The following UVRAG variants were observed in gnomAD, a reference collection of about 807,000 sequenced individuals.
UVRAG encodes UV radiation resistance-associated gene protein.
Under a neutral mutation model 78.0 loss-of-function variants are expected in UVRAG, and 19 were observed. The ratio of observed to expected loss-of-function variants is 0.24; its 90% CI spans 0.17 to 0.36. The LOEUF (loss-of-function observed/expected upper bound fraction) is 0.36, where lower values mean the gene tolerates loss of function less well. Ranked by LOEUF, UVRAG falls within the 10% of genes least tolerant of loss-of-function variation. The pLI is 1.00. For missense variants in UVRAG, 740 were observed against 853.8 expected, an observed-to-expected ratio of 0.87 and a Z score of 1.66; for synonymous variants, 323 against 324.6, an observed-to-expected ratio of 1.00 and a Z score of 0.05.
intron 6 of UVRAG, among the ~76,000 whole-genome samples, chr11:75,945,606 G>C (rs567231023): frequency 2.0e-5 from 3 of 151,934 alleles, no homozygotes; most frequent in East Asian, 3.9e-4. Flanking sequence ...GACATCTCGT[G>C]GTCAGGCCTC....
At position 76,141,106 on chromosome 11, in the gene UVRAG, G is replaced by T; in HGVS notation, c.1793G>T (p.Gly598Val). The change falls in exon 15 of 15, where the codon GGC (glycine) becomes GTC (valine). Residue 598 changes from glycine (G) to valine (V), a missense_variant. Gly to Val is a moderately radical substitution (Grantham distance 109, BLOSUM62 -3). Coordinates refer to ENST00000356136, the MANE Select transcript of UVRAG (RefSeq NM_003369.4). Reference sequence around the variant, plus strand: ...TCCGGGCACCGGGCCACAGTCAATGGCACTCTCCTACCCAGCGAGCAGGCC... The same window carrying T: ...TCCGGGCACCGGGCCACAGTCAATGTCACTCTCCTACCCAGCGAGCAGGCC... ...ALSGHRATVN[G>V]TLLPSEQAGS... 1 of 1,614,116 alleles carries T rather than the reference G, an allele frequency of 6.2e-7. No homozygotes were observed. The highest frequency in any genetic ancestry group is 8.5e-7 in the Non-Finnish European group (1 of 1,180,038).
At chr11:76,044,489 A>G (rs565715093) in intron 12 of UVRAG, among the ~76,000 whole-genome samples, 6 of 152,348 alleles carry the variant, frequency 3.9e-5, no homozygotes, top group Admixed American at 2.0e-4. Context: ...TTTAAAAAGC[A>G]GGCCAGGCGC....
chr11:75,949,089 G>C (rs187856027), intron 6 of UVRAG, among the ~76,000 whole-genome samples: 1 of 152,292 alleles, frequency 6.6e-6, no homozygotes, highest in African/African-American at 2.4e-5. Context: ...CTAGGTGGCA[G>C]TCTATCTGGG....
intron 4 of UVRAG, among the ~76,000 whole-genome samples, chr11:75,881,846 T>C (rs1218823717): frequency 6.6e-6 from 1 of 152,174 alleles, no homozygotes; most frequent in Non-Finnish European, 1.5e-5. Flanking sequence ...CCTTGTGAAG[T>C]TTGATATTAT....
chr11:76,079,041 T>C (rs1426418729), intron 13 of UVRAG, among the ~76,000 whole-genome samples: 1 of 152,212 alleles, frequency 6.6e-6, no homozygotes, highest in Non-Finnish European at 1.5e-5. Flanking sequence ...AATCAAAAAG[T>C]TGAGTATTAT....
At chr11:75,832,325 C>T (rs1051807851) in intron 1 of UVRAG, among the ~76,000 whole-genome samples, 1 of 152,198 alleles carries the variant, frequency 6.6e-6, no homozygotes, top group East Asian at 1.9e-4. Flanking sequence ...CGGTCGCAGG[C>T]CTCCTGTACT....
rs182563471 is a variant in UVRAG at position 75,889,100 on chromosome 11, C to G, written c.507+197C>G. Among the ~76,000 whole-genome samples the G allele has an allele frequency of 1.2e-3, 180 of 152,314 alleles. 1 individual carries two copies. Among genetic ancestry groups the G allele is most frequent in the African/African-American group, 4.0e-3 (167 of 41,572 alleles). ...CACATAACCATCCAGTCCATCTTTT[C>G]TAAATCCAGATTATATTAATTTTTC... On this transcript the variant is annotated intron_variant, in intron 5 of 14. Transcript: ENST00000356136.
intron 11 of UVRAG, among the ~76,000 whole-genome samples, chr11:76,012,588 G>T (rs974478608): frequency 6.6e-6 from 1 of 152,142 alleles, no homozygotes; most frequent in Non-Finnish European, 1.5e-5. Flanking sequence ...ATATTCATGA[G>T]ACTTTGCTGG....
intron 14 of UVRAG, among the ~76,000 whole-genome samples, chr11:76,128,551 A>G (rs11236619): frequency 6.6e-5 from 10 of 152,226 alleles, no homozygotes; most frequent in African/African-American, 2.2e-4. Flanking sequence ...TGTCAGCAGC[A>G]TTAGAAATGA....
chr11:75,945,751 G>A (rs1948575438), intron 6 of UVRAG, among the ~76,000 whole-genome samples: 2 of 151,936 alleles, frequency 1.3e-5, no homozygotes, highest in South Asian at 4.2e-4. Context: ...CTCCAGCCTT[G>A]CTAAGCTGCT....
At chr11:76,079,705 C>T (rs1055865091) in intron 13 of UVRAG, among the ~76,000 whole-genome samples, 1 of 152,138 alleles carries the variant, frequency 6.6e-6, no homozygotes, top group Non-Finnish European at 1.5e-5. Flanking sequence ...CATATACTTA[C>T]CCTCACAATT....
intron 3 of UVRAG, among the ~76,000 whole-genome samples, chr11:75,864,954 A>G (rs533953119): frequency 9.9e-5 from 15 of 152,280 alleles, no homozygotes; most frequent in Admixed American, 7.8e-4. Context: ...GCTTGGTTTC[A>G]TCACTCTGAC....
chr11:75,937,559 T>C (rs1948397045), intron 6 of UVRAG, among the ~76,000 whole-genome samples: 1 of 152,222 alleles, frequency 6.6e-6, no homozygotes, highest in Non-Finnish European at 1.5e-5. Flanking sequence ...CTTTTAATTC[T>C]TTAAAGATGT....
At chr11:76,134,642 C>T (rs1021404005) in intron 14 of UVRAG, among the ~76,000 whole-genome samples, 1 of 152,226 alleles carries the variant, frequency 6.6e-6, no homozygotes, top group African/African-American at 2.4e-5. Context: ...GTCTCAGTTG[C>T]GCCTTCTGTA....
chr11:75,925,506 A>G (rs928314481), intron 6 of UVRAG, among the ~76,000 whole-genome samples: 4 of 152,152 alleles, frequency 2.6e-5, no homozygotes, highest in African/African-American at 9.7e-5. Flanking sequence ...GACTGGAAAT[A>G]CTCTGTTAAA....
Position 75,957,815 on chromosome 11 carries a change from T to G in UVRAG, c.594-3629T>G, listed in dbSNP as rs115656909. ...ATTAAAGTATTATTTAAAAATTTCATAACTCAATTGTTTGGGGCTAATACA... is the reference window on the plus strand; with the variant it reads ...ATTAAAGTATTATTTAAAAATTTCAGAACTCAATTGTTTGGGGCTAATACA... On this transcript the variant is annotated intron_variant, in intron 6 of 14. Coordinates refer to ENST00000356136, the MANE Select transcript of UVRAG (RefSeq NM_003369.4). Among the ~76,000 whole-genome samples the G allele has an allele frequency of 8.9e-3, 1,352 of 152,312 alleles. 19 individuals carry two copies. Among genetic ancestry groups the G allele is most frequent in the African/African-American group, 0.031 (1,302 of 41,558 alleles).
At chr11:76,108,490 T>C (rs912212631) in intron 13 of UVRAG, among the ~76,000 whole-genome samples, 4 of 152,190 alleles carry the variant, frequency 2.6e-5, no homozygotes, top group African/African-American at 9.7e-5. Context: ...CTGCATGAAC[T>C]AGTTAATTCC....
At chr11:75,896,299 A>G (rs928970909) in intron 5 of UVRAG, among the ~76,000 whole-genome samples, 4 of 152,190 alleles carry the variant, frequency 2.6e-5, no homozygotes, top group Non-Finnish European at 5.9e-5. Context: ...GGGGAGGATG[A>G]TAAATAAAAA....
chr11:75,983,299 T>C (rs1482769705), intron 7 of UVRAG, 88 bp from the exon 8 acceptor site: 8 of 1,218,560 alleles, frequency 6.6e-6, no homozygotes, highest in Non-Finnish European at 8.9e-6. Context: ...TTTTAAGCCA[T>C]TATTTATTTT....
Sources: allele counts gnomAD v4.1 joint callset (sites outside exome capture counted in the v4.1 genomes callset), GRCh38; gene constraint gnomAD v4.1.1; transcripts MANE v1.5; gene names NCBI Gene and HGNC (gene_info 2026-07-23, HGNC 2026-07-21).